Variants in LRP12 observed in about 807,000 individuals in gnomAD.
LRP12 encodes the protein low-density lipoprotein receptor-related protein 12.
In LRP12, 14 loss-of-function variants were observed where a neutral mutation model predicts 66.0. The observed-to-expected ratio is 0.21, with a 90% CI of 0.14 to 0.33. The LOEUF (loss-of-function observed/expected upper bound fraction) is 0.33, where lower values mean the gene tolerates loss of function less well. LRP12 is among the 10% of genes least tolerant of loss of function. The probability of loss-of-function intolerance (pLI) is 1.00; values close to 1 mark genes in which losing one functional copy is unlikely to be tolerated. For synonymous variants in LRP12, 357 were observed against 359.1 expected (o/e 0.99, Z 0.07); for missense variants, 889 against 1,053.4 (o/e 0.84, Z 2.16).
chr8:104,565,002 C>CT (rs1811976634), intron 1 of LRP12, among the ~76,000 whole-genome samples: 3 of 151,488 alleles, frequency 2.0e-5, no homozygotes. Flanking sequence ...ACTGAAGAAT[C>CT]TTTAAATTAT....
rs116805079 is a variant in LRP12 at position 104,578,217 on chromosome 8, C to T, written c.79+10602G>A. Among the ~76,000 whole-genome samples the T allele has an allele frequency of 3.7e-3, 553 of 151,426 alleles. 6 individuals are homozygous for T. The highest frequency in any genetic ancestry group is 0.012 in the African/African-American group (507 of 40,942). ...ATCAGAAACAACAAAGGGGATACTA[C>T]CACAGACCCCACAGAAATACAATCA... On this transcript the variant is annotated intron_variant, in intron 1 of 6. Coordinates refer to ENST00000276654, the MANE Select transcript of LRP12 (RefSeq NM_013437.5).
In LRP12 at chr8:104,497,575, T is replaced by G. The variant is rs778459885; in HGVS notation, c.977A>C (p.His326Pro). The G allele has an allele frequency of 5.0e-6, 8 of 1,613,684 alleles. No individual in the cohort carries two copies. The highest frequency in any genetic ancestry group is 6.8e-6 in the Non-Finnish European group (8 of 1,179,886). The change falls in exon 5 of 7, where the codon CAC becomes CCC. Residue 326 changes from histidine (H) to proline (P), a missense_variant. His to Pro is a moderately conservative substitution (Grantham distance 77). This residue lies in a region of LRP12 where 800 missense variants were observed against 964.5 expected (regional missense o/e 0.83). Transcript: ENST00000276654. This position sits in a 1 kb window ranked among gnomAD's most constrained non-coding sequence, Gnocchi z 4.3. ...KIYDGLEENP[H>P]KLLRVLTAFD... ...AGCTGTCAACACACGCAAAAGCTTGTGTGGATTCTCCTCTAATCCATCATA... is the reference window on the plus strand; with the variant it reads ...AGCTGTCAACACACGCAAAAGCTTGGGTGGATTCTCCTCTAATCCATCATA...
chr8:104,549,979 T>G (rs1247706199), intron 1 of LRP12, among the ~76,000 whole-genome samples: 3 of 152,176 alleles, frequency 2.0e-5, no homozygotes, highest in African/African-American at 4.8e-5. Context: ...CTAGAAAGTC[T>G]GTTCTCAGCA....
chr8:104,510,251 G>T (rs1378357985), intron 2 of LRP12, among the ~76,000 whole-genome samples: 1 of 152,194 alleles, frequency 6.6e-6, no homozygotes, highest in Non-Finnish European at 1.5e-5. Flanking sequence ...ATTGAATAAA[G>T]ATAGTAAAAC....
chr8:104,568,319 G>A (rs982524832), intron 1 of LRP12, among the ~76,000 whole-genome samples: 1 of 152,028 alleles, frequency 6.6e-6, no homozygotes, highest in Non-Finnish European at 1.5e-5. Flanking sequence ...AAAACTCTTA[G>A]GGGAATTAAA....
At chr8:104,576,351 T>C (rs1299361580) in intron 1 of LRP12, among the ~76,000 whole-genome samples, 1 of 152,014 alleles carries the variant, frequency 6.6e-6, no homozygotes, top group African/African-American at 2.4e-5. Context: ...AGAAAAAATA[T>C]TAAAGGTAGC....
At chr8:104,548,575 ATAT>A (rs1459199265) in intron 1 of LRP12, among the ~76,000 whole-genome samples, 5 of 88,188 alleles carry the variant, frequency 5.7e-5, no homozygotes, top group Non-Finnish European at 9.2e-5. Context: ...TTATAATTCT[ATAT>A]TATATTTTGT....
intron 3 of LRP12, among the ~76,000 whole-genome samples, chr8:104,504,014 A>C (rs1810869298): frequency 6.6e-6 from 1 of 152,114 alleles, no homozygotes. Context: ...TGCCTATAAA[A>C]CTAGTTCTAG....
At chr8:104,534,842 C>T (rs1464726851) in intron 1 of LRP12, among the ~76,000 whole-genome samples, 1 of 151,558 alleles carries the variant, frequency 6.6e-6, no homozygotes, top group Non-Finnish European at 1.5e-5. Flanking sequence ...AGTAGATAGC[C>T]CAAAGAAAAT....
intron 1 of LRP12, among the ~76,000 whole-genome samples, chr8:104,550,515 T>A (rs1004761342): frequency 6.6e-6 from 1 of 152,204 alleles, no homozygotes; most frequent in Non-Finnish European, 1.5e-5. Context: ...TAAACTCTTA[T>A]CTACCCTCAG....
chr8:104,545,719 A>G (rs1446605477), intron 1 of LRP12, among the ~76,000 whole-genome samples: 2 of 152,230 alleles, frequency 1.3e-5, no homozygotes, highest in African/African-American at 4.8e-5. Flanking sequence ...ACAGTATAGT[A>G]TAAACATAAC....
In LRP12 at chr8:104,508,997, C is replaced by T; in HGVS notation, c.214G>A (p.Ala72Thr). 1 of 1,613,770 alleles carries T rather than the reference C, an allele frequency of 6.2e-7. No individual in the cohort carries two copies. Among genetic ancestry groups the T allele is most frequent in the Non-Finnish European group, 8.5e-7 (1 of 1,179,792 alleles). ...TSPGWPSEYPAKINCSWFIRA... is the reference protein window; with the variant it reads ...TSPGWPSEYPTKINCSWFIRA... ...ATGAACCAGCTACAGTTGATTTTTGCAGGATATTCAGAAGGCCAGCCTGGG... is the reference window on the plus strand; with the variant it reads ...ATGAACCAGCTACAGTTGATTTTTGTAGGATATTCAGAAGGCCAGCCTGGG... Residue 72 changes from alanine (A) to threonine (T), a missense_variant, in exon 3 of 7, where the codon GCA (alanine) becomes ACA (threonine). Physicochemically the swap from Ala to Thr is moderately conservative, Grantham distance 58. Transcript: ENST00000276654.
At chr8:104,493,865 A>C (rs2140828546) in intron 6 of LRP12, among the ~76,000 whole-genome samples, 1 of 152,268 alleles carries the variant, frequency 6.6e-6, no homozygotes, top group East Asian at 1.9e-4. Flanking sequence ...CATGTTTGGT[A>C]CCCTTCTGAA....
chr8:104,580,878 T>C (rs1812239958), intron 1 of LRP12, among the ~76,000 whole-genome samples: 1 of 152,208 alleles, frequency 6.6e-6, no homozygotes, highest in Admixed American at 6.5e-5. Flanking sequence ...ACGTGGCGAC[T>C]CCTCAAAGAC....
At chr8:104,530,084 A>G (rs1811302984) in intron 2 of LRP12, among the ~76,000 whole-genome samples, 1 of 152,170 alleles carries the variant, frequency 6.6e-6, no homozygotes, top group Non-Finnish European at 1.5e-5. Flanking sequence ...TTTGAAATAT[A>G]TATTTTTCAT....
chr8:104,513,851 T>C (rs1811033738), intron 2 of LRP12, among the ~76,000 whole-genome samples: 1 of 152,164 alleles, frequency 6.6e-6, no homozygotes, highest in African/African-American at 2.4e-5. Flanking sequence ...TCAACTATGG[T>C]CATGAGTTTA....
At chr8:104,570,559 T>C (rs558291629) in intron 1 of LRP12, among the ~76,000 whole-genome samples, 4 of 152,312 alleles carry the variant, frequency 2.6e-5, no homozygotes, top group South Asian at 2.1e-4. Flanking sequence ...GTTGGAACAA[T>C]TGGTGGTTAT....
intron 1 of LRP12, among the ~76,000 whole-genome samples, chr8:104,539,487 T>C (rs1311326414): frequency 6.6e-6 from 1 of 150,932 alleles, no homozygotes; most frequent in African/African-American, 2.4e-5. Flanking sequence ...CCATAGGAAA[T>C]TTTTTAAACA....
intron 2 of LRP12, among the ~76,000 whole-genome samples, chr8:104,519,757 C>T (rs988636288): frequency 2.0e-5 from 3 of 151,964 alleles, no homozygotes; most frequent in African/African-American, 7.2e-5. Context: ...TATTAGAAAC[C>T]GCAAGTGCCA....
Sources: gnomAD v4.1 joint callset for allele counts (sites outside exome capture counted in the v4.1 genomes callset) on GRCh38, gnomAD v4.1.1 for gene constraint, gnomAD v4.1.1 regional missense constraint, Gnocchi (gnomAD v3.1) non-coding constraint, MANE v1.5 for transcripts, NCBI Gene and HGNC (gene_info 2026-07-23, HGNC 2026-07-21) for gene names.